Variants in POLA1 observed in about 807,000 individuals in gnomAD.
POLA1 encodes the protein DNA polymerase alpha 1, catalytic subunit.
A neutral mutation model predicts 124.0 loss-of-function variants in POLA1; 15 were observed. The ratio of observed to expected loss-of-function variants is 0.12; its 90% CI spans 0.08 to 0.19. The LOEUF is 0.19. Among genes scored for constraint, POLA1 ranks in the 10% least tolerant of loss-of-function variants. The pLI is 1.00. For missense variants in POLA1, 886 were observed against 1,103.4 expected (o/e 0.80, Z 2.79); for synonymous variants, 408 against 389.4 (o/e 1.05, Z -0.56).
At chrX:24,900,171 C>T (rs1291606789) in intron 35 of POLA1, among the ~76,000 whole-genome samples, 1 of 111,802 alleles carries the variant, frequency 8.9e-6, no homozygotes, top group African/African-American at 3.3e-5. Flanking sequence ...ATTTGTTAGC[C>T]TTGATGTTTG....
intron 26 of POLA1, among the ~76,000 whole-genome samples, chrX:24,758,338 CTA>C (rs1216660599): frequency 1.8e-5 from 2 of 111,754 alleles, no homozygotes; most frequent in African/African-American, 3.2e-5. Context: ...TTTAATTACT[CTA>C]TATGCTTGAA....
Position 24,996,590 on chromosome X carries a change from C to A in POLA1, c.*640C>A, listed in dbSNP as rs1209406424. The A allele has an allele frequency of 1.8e-5, 2 of 112,536 alleles. No individual in the cohort carries two copies. The highest frequency in any genetic ancestry group is 3.8e-5 in the Non-Finnish European group (2 of 53,290). The allele number at this position is 112,536 out of a possible 1,213,427, so 9.3% of individuals were successfully genotyped here. On this transcript the variant is annotated 3_prime_UTR_variant, in exon 37 of 37. Transcript: ENST00000379068. ...AGCAGGTGTTTTACACTCACATTCC[C>A]TTTTTGCCCCTTAAATAGAAAGTGC...
chrX:24,994,308 G>A (rs905396466), intron 36 of POLA1, among the ~76,000 whole-genome samples: 5 of 113,091 alleles, frequency 4.4e-5, no homozygotes, highest in Admixed American at 9.3e-5. Flanking sequence ...AGAAAAGGTT[G>A]TGGAGAGCAA....
intron 32 of POLA1, among the ~76,000 whole-genome samples, chrX:24,831,769 AT>A (rs773491886): frequency 8.9e-6 from 1 of 112,745 alleles, no homozygotes; most frequent in South Asian, 3.7e-4. Context: ...AAATTAAAAA[AT>A]GTTATACCAA....
chrX:24,698,254 G>T (rs761253237), intron 1 of POLA1, among the ~76,000 whole-genome samples: 2 of 111,768 alleles, frequency 1.8e-5, no homozygotes, highest in Non-Finnish European at 3.8e-5. Flanking sequence ...ATTTTTTTCA[G>T]TGTGTGTGTG....
At chrX:24,917,464 A>G in intron 35 of POLA1, among the ~76,000 whole-genome samples, 1 of 111,634 alleles carries the variant, frequency 9.0e-6, no homozygotes, top group Non-Finnish European at 1.9e-5. Context: ...TTGAAATTTA[A>G]TTTGCTGACA....
intron 4 of POLA1, among the ~76,000 whole-genome samples, chrX:24,706,961 T>C (rs939207349): frequency 1.8e-5 from 2 of 112,658 alleles, no homozygotes; most frequent in Admixed American, 9.4e-5. Flanking sequence ...AATAAGCATA[T>C]GTATTTTTTT....
intron 35 of POLA1, among the ~76,000 whole-genome samples, chrX:24,907,053 G>A (rs185386675): frequency 5.4e-5 from 6 of 111,345 alleles, no homozygotes; most frequent in East Asian, 5.7e-4. Context: ...TTAGCTGGGC[G>A]TGGCGGTACT....
At chrX:24,775,594 C>T (rs1043887996) in intron 26 of POLA1, among the ~76,000 whole-genome samples, 8 of 111,383 alleles carry the variant, frequency 7.2e-5, no homozygotes, top group African/African-American at 2.6e-4. Flanking sequence ...GAGTGTTAAT[C>T]CTACTGCCTT....
chrX:24,951,869 G>C (rs955502242), intron 36 of POLA1, among the ~76,000 whole-genome samples: 8 of 111,538 alleles, frequency 7.2e-5, no homozygotes, highest in Non-Finnish European at 1.5e-4. Flanking sequence ...AAGAAATGTG[G>C]GGATTTGAAT....
chrX:24,938,550 A>T (rs1187453369), intron 36 of POLA1, among the ~76,000 whole-genome samples: 1 of 112,576 alleles, frequency 8.9e-6, no homozygotes, highest in Non-Finnish European at 1.9e-5. Context: ...TATTTTATAA[A>T]GATTTCAAGG....
At chrX:24,871,471 CTAACT>C (rs1463443467) in intron 34 of POLA1, among the ~76,000 whole-genome samples, 3 of 112,399 alleles carry the variant, frequency 2.7e-5, no homozygotes, top group Non-Finnish European at 5.6e-5. Context: ...ACACTAAATC[CTAACT>C]TAATGGTGGA....
intron 35 of POLA1, among the ~76,000 whole-genome samples, chrX:24,908,251 T>A (rs1004614780): frequency 1.8e-5 from 2 of 110,982 alleles, no homozygotes; most frequent in African/African-American, 3.3e-5. Flanking sequence ...TGTAATTTCT[T>A]TTTTTATTAT....
intron 34 of POLA1, among the ~76,000 whole-genome samples, chrX:24,885,819 C>T (rs1049788416): frequency 7.1e-5 from 8 of 112,200 alleles, no homozygotes; most frequent in African/African-American, 1.9e-4. Flanking sequence ...CCACTGCGCC[C>T]GGCCAGTATC....
At chrX:24,906,169 G>A (rs960383222) in intron 35 of POLA1, among the ~76,000 whole-genome samples, 3 of 112,178 alleles carry the variant, frequency 2.7e-5, no homozygotes, top group African/African-American at 9.7e-5. Context: ...TCTACCCAGA[G>A]GAAAAGAAGT....
chrX:24,944,560 C>T (rs958136112), intron 36 of POLA1, among the ~76,000 whole-genome samples: 2 of 111,884 alleles, frequency 1.8e-5, no homozygotes, highest in East Asian at 5.6e-4. Flanking sequence ...TTGCCTTTCT[C>T]GCCTAATTCT....
chrX:24,824,874 A>T (rs1444786005), intron 31 of POLA1, among the ~76,000 whole-genome samples: 1 of 111,811 alleles, frequency 8.9e-6, no homozygotes, highest in Non-Finnish European at 1.9e-5. Flanking sequence ...CTGAAATATT[A>T]GAAAGTAACT....
At chrX:24,921,577 A>G (rs753588855) in intron 35 of POLA1, among the ~76,000 whole-genome samples, 4 of 111,876 alleles carry the variant, frequency 3.6e-5, no homozygotes, top group Non-Finnish European at 5.6e-5. Flanking sequence ...GATTCTCAGT[A>G]TGTTAGATAA....
chrX:24,949,808 C>G (rs970330048), intron 36 of POLA1, among the ~76,000 whole-genome samples: 5 of 106,001 alleles, frequency 4.7e-5, no homozygotes, highest in Admixed American at 1.0e-4. Flanking sequence ...GATCTCGGCT[C>G]ACTGCAACCT....
Sources: gnomAD v4.1 joint callset for allele counts (sites outside exome capture counted in the v4.1 genomes callset) on GRCh38, gnomAD v4.1.1 for gene constraint, MANE v1.5 for transcripts, NCBI Gene and HGNC (gene_info 2026-07-23, HGNC 2026-07-21) for gene names.